APBB1IP: variants seen among roughly 807,000 people sequenced by gnomAD.
APBB1IP encodes the protein amyloid beta precursor protein binding family B member 1 interacting protein.
APBB1IP carries 27 observed loss-of-function variants against 64.9 expected under a neutral mutation model. That is an observed-to-expected ratio of 0.42 (90% confidence interval 0.31 to 0.57). The LOEUF (loss-of-function observed/expected upper bound fraction) is 0.57. APBB1IP is among the 20% of genes least tolerant of loss of function. The pLI is 0.20. For missense variants in APBB1IP, 812 were observed against 845.5 expected (o/e 0.96, Z 0.49); for synonymous variants, 392 against 331.0 (o/e 1.18, Z -2.00).
At chr10:26,485,751 C>T (rs1835883322) in intron 2 of APBB1IP, among the ~76,000 whole-genome samples, 1 of 152,136 alleles carries the variant, frequency 6.6e-6, no homozygotes, top group Non-Finnish European at 1.5e-5. Flanking sequence ...GACATGTTTA[C>T]CAAGTGCAGT....
chr10:26,465,184 A>T (rs904960528), intron 2 of APBB1IP, among the ~76,000 whole-genome samples: 2 of 152,224 alleles, frequency 1.3e-5, no homozygotes, highest in Admixed American at 6.5e-5. Flanking sequence ...TATATGAAAA[A>T]ACTACCCATA....
chr10:26,537,933 CAAAA>C (rs11331595), intron 10 of APBB1IP, among the ~76,000 whole-genome samples: 7 of 106,938 alleles, frequency 6.5e-5, no homozygotes, highest in Admixed American at 1.9e-4. Context: ...GACTAGGTCT[CAAAA>C]AAAAAAAAAA....
chr10:26,506,992 C>T (rs538594577), intron 6 of APBB1IP, among the ~76,000 whole-genome samples: 9 of 152,186 alleles, frequency 5.9e-5, no homozygotes, highest in South Asian at 4.2e-4. Context: ...GGGGCATTCC[C>T]GGCAGAGGGA....
At chr10:26,495,464 C>T (rs566470970) in intron 3 of APBB1IP, among the ~76,000 whole-genome samples, 19 of 151,668 alleles carry the variant, frequency 1.3e-4, no homozygotes, top group Non-Finnish European at 2.5e-4. Context: ...AGTATTGTTA[C>T]TGTAAGGCAA....
chr10:26,492,512 C>A (rs149537902), intron 3 of APBB1IP, 114 bp downstream of exon 3: 3 of 887,896 alleles, frequency 3.4e-6, no homozygotes, highest in African/African-American at 3.4e-5. Context: ...GGGGAACCAG[C>A]CCCCGATATT....
chr10:26,465,383 G>A (rs1422658778), intron 2 of APBB1IP, among the ~76,000 whole-genome samples: 1 of 151,970 alleles, frequency 6.6e-6, no homozygotes, highest in African/African-American at 2.4e-5. Flanking sequence ...CATATTCAAG[G>A]ACACAAATTT....
chr10:26,516,284 G>A (rs960773792), intron 8 of APBB1IP, among the ~76,000 whole-genome samples: 6 of 152,170 alleles, frequency 3.9e-5, no homozygotes, highest in Admixed American at 3.9e-4. Flanking sequence ...GCCAGGCACG[G>A]TGGCTCCCGC....
At chr10:26,527,561 A>G (rs1045276420) in intron 8 of APBB1IP, among the ~76,000 whole-genome samples, 4 of 151,626 alleles carry the variant, frequency 2.6e-5, no homozygotes, top group Admixed American at 6.6e-5. Flanking sequence ...AAAAAAAAGA[A>G]AAAAATACTA....
chr10:26,562,239 T>C lies in APBB1IP; in HGVS notation c.1370-87T>C, dbSNP rs562515654. 1.7e-5 allele frequency: 17 copies of C among 1,005,482 alleles called. No individual in the cohort carries two copies. The East Asian group carries it at 1.9e-4, about 11-fold the overall frequency. The allele number at this position is 1,005,482 out of a possible 1,614,324, so 62.3% of individuals were successfully genotyped here. A position where few individuals can be genotyped will look rare whatever the true frequency, so the allele number is the denominator to read the frequency against. On this transcript the variant is annotated intron_variant, in intron 13 of 14. Coordinates refer to ENST00000376236, the MANE Select transcript of APBB1IP (RefSeq NM_019043.4). ...CAAGTATCTTTCTTTGCTTTAGAGA[T>C]GCAAACTGCTTTGTATTTTCAGATC...
At chr10:26,533,852 G>A (rs1409819310) in intron 9 of APBB1IP, among the ~76,000 whole-genome samples, 1 of 151,746 alleles carries the variant, frequency 6.6e-6, no homozygotes. Context: ...TTTTTAAAAG[G>A]GACCTCTAAG....
intron 11 of APBB1IP, among the ~76,000 whole-genome samples, chr10:26,543,659 T>C (rs1836725881): frequency 6.6e-6 from 1 of 151,298 alleles, no homozygotes; most frequent in Admixed American, 6.6e-5. Context: ...ATGAGGAAAA[T>C]GGCAAAGAAC....
intron 11 of APBB1IP, among the ~76,000 whole-genome samples, chr10:26,546,272 A>G (rs1836764714): frequency 6.6e-6 from 1 of 152,238 alleles, no homozygotes; most frequent in Admixed American, 6.5e-5. Flanking sequence ...TATTAAATAA[A>G]TCTATTTATT....
At chr10:26,559,121 A>G (rs1268773330) in intron 11 of APBB1IP, among the ~76,000 whole-genome samples, 1 of 152,240 alleles carries the variant, frequency 6.6e-6, no homozygotes, top group Non-Finnish European at 1.5e-5. Context: ...CATTAATTCT[A>G]TGACATAAGA....
At chr10:26,493,470 T>C (rs1835982364) in intron 3 of APBB1IP, among the ~76,000 whole-genome samples, 1 of 152,200 alleles carries the variant, frequency 6.6e-6, no homozygotes, top group Non-Finnish European at 1.5e-5. Flanking sequence ...ATTATAAAAG[T>C]ATTAATTTGG....
chr10:26,534,855 T>C (rs967820610), intron 9 of APBB1IP, among the ~76,000 whole-genome samples: 1 of 152,216 alleles, frequency 6.6e-6, no homozygotes, highest in African/African-American at 2.4e-5. Flanking sequence ...ACAATCGTTA[T>C]CCTGCTGTCT....
chr10:26,507,984 A>C (rs1044660692), intron 6 of APBB1IP, among the ~76,000 whole-genome samples: 4 of 152,246 alleles, frequency 2.6e-5, no homozygotes, highest in Non-Finnish European at 4.4e-5. Context: ...GATTCAACAA[A>C]GAAGATGGAA....
chr10:26,557,738 CT>C lies in APBB1IP; in HGVS notation c.1156-2364del, dbSNP rs1175190125. 2.6e-5 allele frequency among the ~76,000 whole-genome samples: 4 copies of C among 152,268 alleles called. No individual in the cohort carries two copies. The East Asian group carries it at 5.8e-4, about 22-fold the overall frequency. The stretch of plus-strand genomic sequence containing the variant: ...TGGAGTCTATAAAGGTCTTGTTATC[CT>C]TTCTGGACAAAGATTACAATCCCAC... On this transcript the variant is annotated intron_variant, in intron 11 of 14. Coordinates refer to ENST00000376236, the MANE Select transcript of APBB1IP (RefSeq NM_019043.4).
At chr10:26,559,622 CTTTT>C (rs368290752) in intron 11 of APBB1IP, among the ~76,000 whole-genome samples, 71 of 135,188 alleles carry the variant, frequency 5.3e-4, no homozygotes, top group Non-Finnish European at 9.9e-4. Context: ...TTCTTTCTTT[CTTTT>C]TTTTTTTTTT....
chr10:26,465,242 G>A (rs1835635017), intron 2 of APBB1IP, among the ~76,000 whole-genome samples: 1 of 152,206 alleles, frequency 6.6e-6, no homozygotes, highest in African/African-American at 2.4e-5. Flanking sequence ...AGAAATTCAT[G>A]TAGAGCATAA....
Sources: gnomAD v4.1 joint callset for allele counts (sites outside exome capture counted in the v4.1 genomes callset) on GRCh38, gnomAD v4.1.1 for gene constraint, MANE v1.5 for transcripts, NCBI Gene and HGNC (gene_info 2026-07-23, HGNC 2026-07-21) for gene names.